The following RBFOX3 variants were observed in gnomAD, a reference collection of about 807,000 sequenced individuals.
RBFOX3 encodes RNA binding protein fox-1 homolog 3.
Under a neutral mutation model 48.7 loss-of-function variants are expected in RBFOX3, and 17 were observed. That is an observed-to-expected ratio of 0.35 (90% CI 0.24 to 0.52). The LOEUF (loss-of-function observed/expected upper bound fraction) is 0.52, where lower values mean the gene tolerates loss of function less well. Ranked by LOEUF, RBFOX3 falls within the 20% of genes least tolerant of loss-of-function variation. The pLI is 0.94. For missense variants in RBFOX3, 382 were observed against 497.5 expected, an observed-to-expected ratio of 0.77 and a Z score of 2.21; for synonymous variants, 212 against 209.5, an observed-to-expected ratio of 1.01 and a Z score of -0.10.
intron 9 of RBFOX3, chr17:79,097,954 G>A: frequency 1.7e-6 from 1 of 590,692 alleles, no homozygotes; most frequent in Middle Eastern, 2.9e-4. Flanking sequence ...TTCTGCCTGG[G>A]GGTCTGCTAG....
chr17:79,441,924 C>A (rs2071001939), intron 2 of RBFOX3, among the ~76,000 whole-genome samples: 1 of 151,990 alleles, frequency 6.6e-6, no homozygotes, highest in Non-Finnish European at 1.5e-5. Context: ...TAGAGAAAGG[C>A]AGACCAACAG....
At chr17:79,261,937 G>C (rs571262879) in intron 3 of RBFOX3, among the ~76,000 whole-genome samples, 33 of 152,330 alleles carry the variant, frequency 2.2e-4, no homozygotes, top group East Asian at 7.7e-4. Context: ...GCTTGTGGAG[G>C]GGGGAGGCGT....
intron 2 of RBFOX3, among the ~76,000 whole-genome samples, chr17:79,370,616 GCA>G (rs1429101801): frequency 3.6e-5 from 5 of 139,996 alleles, no homozygotes; most frequent in African/African-American, 1.0e-4. Flanking sequence ...ACCCTGACAT[GCA>G]CAGTCACATA....
At chr17:79,326,391 G>C (rs552467533) in intron 2 of RBFOX3, among the ~76,000 whole-genome samples, 109 of 152,338 alleles carry the variant, frequency 7.2e-4, no homozygotes, top group African/African-American at 2.5e-3. Flanking sequence ...GAAAATATCT[G>C]GTTCTTCCTG....
intron 2 of RBFOX3, among the ~76,000 whole-genome samples, chr17:79,436,183 T>A (rs1555731044): frequency 2.0e-5 from 3 of 152,128 alleles, no homozygotes; most frequent in Non-Finnish European, 4.4e-5. Flanking sequence ...CTGCTGTGAG[T>A]GGGCACTGTG....
chr17:79,346,048 G>A (rs2082872974), intron 2 of RBFOX3, among the ~76,000 whole-genome samples: 1 of 152,114 alleles, frequency 6.6e-6, no homozygotes, highest in African/African-American at 2.4e-5. Context: ...AGCCTCCCAA[G>A]TAGCTGGGAT....
At chr17:79,446,039 C>T (rs2072216042) in intron 2 of RBFOX3, among the ~76,000 whole-genome samples, 1 of 152,162 alleles carries the variant, frequency 6.6e-6, no homozygotes, top group South Asian at 2.1e-4. Flanking sequence ...GAACGGCCTC[C>T]ACATGAGAGA....
chr17:79,478,711 G>A (rs1455465470), intron 2 of RBFOX3, among the ~76,000 whole-genome samples: 9 of 152,202 alleles, frequency 5.9e-5, no homozygotes, highest in Non-Finnish European at 1.3e-4. Context: ...CTCCTCTGGA[G>A]TTTTTGCTCA....
At position 79,259,002 on chromosome 17, in the gene RBFOX3, T is replaced by A. The variant is rs141045149; in HGVS notation, c.-73-23197A>T. Among the ~76,000 whole-genome samples the A allele has an allele frequency of 2.5e-4, 38 of 152,392 alleles. No individual in the cohort carries two copies. The East Asian group carries it at 6.4e-3, about 25-fold the overall frequency. ...CCTGCTCTTTCTAAGTGGCTGCAGC[T>A]GCTTTTGCAGAGTCGCTTATCACTT... On this transcript the variant is annotated intron_variant, in intron 3 of 14. Coordinates refer to ENST00000693108, the MANE Select transcript of RBFOX3 (RefSeq NM_001350451.2).
At chr17:79,517,576 C>T (rs2085440165) in intron 1 of RBFOX3, among the ~76,000 whole-genome samples, 1 of 151,388 alleles carries the variant, frequency 6.6e-6, no homozygotes, top group Non-Finnish European at 1.5e-5. Context: ...TATGGCTGAG[C>T]TCTTGCTCAG....
the RBFOX3 span, among the ~76,000 whole-genome samples, chr17:79,633,319 A>T: frequency 6.6e-6 from 1 of 152,264 alleles, no homozygotes; most frequent in African/African-American, 2.4e-5. Flanking sequence ...AGCCACTGTC[A>T]GTGCCAGCGG....
At chr17:79,265,534 G>T (rs577990328) in intron 3 of RBFOX3, among the ~76,000 whole-genome samples, 10 of 152,322 alleles carry the variant, frequency 6.6e-5, no homozygotes, top group Admixed American at 3.9e-4. Context: ...AGAGCACTCT[G>T]GAGAGTTAGA....
At chr17:79,132,143 G>A (rs543175567) in intron 4 of RBFOX3, among the ~76,000 whole-genome samples, 1 of 151,920 alleles carries the variant, frequency 6.6e-6, no homozygotes, top group South Asian at 2.1e-4. Context: ...TCAATCAGAC[G>A]GACGGAAACA....
At chr17:79,332,594 G>A (rs2080499170) in intron 2 of RBFOX3, among the ~76,000 whole-genome samples, 1 of 152,058 alleles carries the variant, frequency 6.6e-6, no homozygotes, top group South Asian at 2.1e-4. Context: ...GAACCAGAGA[G>A]ACAGAGAGAA....
Position 79,243,720 on chromosome 17 carries a change from T to C in RBFOX3, c.-73-7915A>G, listed in dbSNP as rs148293574. 4.8e-3 allele frequency among the ~76,000 whole-genome samples: 731 copies of C among 152,158 alleles called. 8 individuals carry two copies. The highest frequency in any genetic ancestry group is 4.9e-3 in the Non-Finnish European group (332 of 67,994). ...CACCCAAGCTGTGCCACAGACACCA[T>C]AGTGTATCCTCCACCTGTCCCTGGG... On this transcript the variant is annotated intron_variant, in intron 3 of 14. Transcript: ENST00000693108. This position sits in a 1 kb window ranked among gnomAD's most constrained non-coding sequence, Gnocchi z 7.9.
At chr17:79,459,813 C>T (rs1555747603) in intron 2 of RBFOX3, among the ~76,000 whole-genome samples, 2 of 152,140 alleles carry the variant, frequency 1.3e-5, no homozygotes, top group East Asian at 3.9e-4. Flanking sequence ...TGTTTCATTT[C>T]CTCATTCTAC....
chr17:79,611,069 G>GCGCT (rs2093958875), upstream of RBFOX3, among the ~76,000 whole-genome samples: 2 of 148,284 alleles, frequency 1.3e-5, no homozygotes, highest in African/African-American at 5.0e-5. Context: ...GAGCAGCCCC[G>GCGCT]CGCTCGCTCT....
chr17:79,360,410 G>A (rs576931855), intron 2 of RBFOX3, among the ~76,000 whole-genome samples: 2 of 152,204 alleles, frequency 1.3e-5, no homozygotes, highest in African/African-American at 4.8e-5. Flanking sequence ...GCCACTGGAA[G>A]CTGCTCACCA....
At chr17:79,321,435 C>A in intron 2 of RBFOX3, among the ~76,000 whole-genome samples, 1 of 152,238 alleles carries the variant, frequency 6.6e-6, no homozygotes, top group African/African-American at 2.4e-5. Context: ...CACGCCCACT[C>A]CTAACTGGAG....
Sources: gnomAD v4.1 joint callset for allele counts (sites outside exome capture counted in the v4.1 genomes callset) on GRCh38, gnomAD v4.1.1 for gene constraint, Gnocchi (gnomAD v3.1) non-coding constraint, MANE v1.5 for transcripts, NCBI Gene and HGNC (gene_info 2026-07-23, HGNC 2026-07-21) for gene names.